Variants in SLC25A28 observed in about 807,000 individuals in gnomAD.
SLC25A28 encodes the protein mitoferrin-2.
A neutral mutation model predicts 31.9 loss-of-function variants in SLC25A28; 10 were observed. The observed-to-expected ratio is 0.31, with a 90% CI of 0.19 to 0.53. SLC25A28 has a LOEUF of 0.53. SLC25A28 is among the 20% of genes least tolerant of loss of function. The pLI, the probability that SLC25A28 is intolerant of heterozygous loss-of-function variation, is 0.95. For synonymous variants in SLC25A28, 208 were observed against 203.6 expected (o/e 1.02, Z -0.19); for missense variants, 256 against 490.3 (o/e 0.52, Z 4.51).
the SLC25A28 span, among the ~76,000 whole-genome samples, chr10:99,639,646 C>T: frequency 6.6e-6 from 1 of 151,422 alleles, no homozygotes; most frequent in African/African-American, 2.4e-5. Flanking sequence ...ACTCCCTGCC[C>T]CCCCATCCCC....
chr10:99,616,590 T>G, intron 1 of SLC25A28: 1 of 985,440 alleles, frequency 1.0e-6, no homozygotes, highest in Non-Finnish European at 1.2e-6. Flanking sequence ...ATTTTTTGTT[T>G]TCCTTTTAAA....
Position 99,612,753 on chromosome 10 carries a change from C to A in SLC25A28, c.521-154G>T, listed in dbSNP as rs2133338078. On this transcript the variant is annotated intron_variant, in intron 2 of 3. Coordinates refer to ENST00000370495, the MANE Select transcript of SLC25A28 (RefSeq NM_031212.4). ...AAGATGGGGACCCACTGCTCCTAAA[C>A]TCCTGTTTAAGAAGGTAAAGTATCT... 5 of 785,284 alleles carry A rather than the reference C, an allele frequency of 6.4e-6. No individual in the cohort carries two copies. The South Asian group carries it at 7.4e-5, about 12-fold the overall frequency. 48.6% of individuals were successfully genotyped at this position (785,284 alleles called of 1,614,324 possible).
chr10:99,651,655 T>C, the SLC25A28 span, among the ~76,000 whole-genome samples: 2 of 146,264 alleles, frequency 1.4e-5, no homozygotes, highest in African/African-American at 5.0e-5. Context: ...CAGTGGCACA[T>C]TCATAGCTCA....
In SLC25A28 at chr10:99,613,237, C is replaced by G. The variant is rs867785823; in HGVS notation, c.520+459G>C. On this transcript the variant is annotated intron_variant, in intron 2 of 3. Transcript: ENST00000370495. This position sits in a 1 kb window ranked among gnomAD's most constrained non-coding sequence, Gnocchi z 4.9. ...TTTTGTCATGAGGCTTTGTCATGTT[C>G]TCAACACAAACTGCCTCTGGTGAGT... is the stretch of plus-strand genomic sequence containing the variant. Among the ~76,000 whole-genome samples, 6 of 152,134 alleles carry G rather than the reference C, an allele frequency of 3.9e-5. No homozygotes were observed. The highest frequency in any genetic ancestry group is 1.2e-4 in the African/African-American group (5 of 41,400).
upstream of SLC25A28, among the ~76,000 whole-genome samples, chr10:99,623,832 C>A (rs1327976726): frequency 6.6e-6 from 1 of 152,222 alleles, no homozygotes; most frequent in African/African-American, 2.4e-5. Flanking sequence ...CTACTTGTTA[C>A]CTGCTTGCTC....
chr10:99,650,789 T>C, the SLC25A28 span, among the ~76,000 whole-genome samples: 1 of 152,026 alleles, frequency 6.6e-6, no homozygotes, highest in Non-Finnish European at 1.5e-5. Context: ...CAGGGGTGTG[T>C]GAGAGCACTT....
the SLC25A28 span, among the ~76,000 whole-genome samples, chr10:99,638,593 G>GA: frequency 3.3e-5 from 5 of 151,622 alleles, no homozygotes; most frequent in African/African-American, 4.8e-5. Flanking sequence ...AAATCACTAA[G>GA]AAAAAAACAA....
At chr10:99,631,441 A>T in the SLC25A28 span, among the ~76,000 whole-genome samples, 25 of 152,082 alleles carry the variant, frequency 1.6e-4, no homozygotes, top group Admixed American at 9.8e-4. Flanking sequence ...TTAATTTTAT[A>T]TTATATCTTA....
the SLC25A28 span, among the ~76,000 whole-genome samples, chr10:99,658,217 A>G: frequency 6.6e-6 from 1 of 152,140 alleles, no homozygotes; most frequent in African/African-American, 2.4e-5. Flanking sequence ...AGTTTTCCTA[A>G]TGTCCTGACA....
chr10:99,620,778 C>T, upstream of SLC25A28: 1 of 985,470 alleles, frequency 1.0e-6, no homozygotes, highest in Non-Finnish European at 1.2e-6. Flanking sequence ...CGCACCACGT[C>T]GGTCCCCGAT....
the SLC25A28 span, among the ~76,000 whole-genome samples, chr10:99,658,514 T>TA: frequency 2.0e-5 from 3 of 152,076 alleles, no homozygotes; most frequent in East Asian, 5.8e-4. Flanking sequence ...TAGGCATGTA[T>TA]AAAAAAGGTG....
At chr10:99,619,737 G>A (rs1301828165) in intron 1 of SLC25A28, among the ~76,000 whole-genome samples, 1 of 152,196 alleles carries the variant, frequency 6.6e-6, no homozygotes, top group Non-Finnish European at 1.5e-5. Flanking sequence ...CTGAGCTTCG[G>A]GATACCCCAT....
the SLC25A28 span, among the ~76,000 whole-genome samples, chr10:99,646,518 G>T: frequency 6.6e-6 from 1 of 152,214 alleles, no homozygotes; most frequent in Non-Finnish European, 1.5e-5. Flanking sequence ...CAGGTGAGGT[G>T]ATGCTCCACC....
chr10:99,648,959 T>G, the SLC25A28 span, among the ~76,000 whole-genome samples: 1 of 152,180 alleles, frequency 6.6e-6, no homozygotes, highest in Non-Finnish European at 1.5e-5. Flanking sequence ...TTTTTTCTCT[T>G]GTCTGATTGG....
the SLC25A28 span, among the ~76,000 whole-genome samples, chr10:99,626,936 AT>A: frequency 3.3e-5 from 5 of 152,194 alleles, no homozygotes; most frequent in Non-Finnish European, 5.9e-5. Flanking sequence ...TGCCCTTTGT[AT>A]TTTTTTAAAA....
upstream of SLC25A28, among the ~76,000 whole-genome samples, chr10:99,625,181 C>T (rs1383257683): frequency 4.8e-5 from 1 of 20,914 alleles, no homozygotes; most frequent in Non-Finnish European, 1.2e-4. Context: ...AAAGATATTG[C>T]CGACCCAAAG....
the SLC25A28 span, among the ~76,000 whole-genome samples, chr10:99,644,518 C>T: frequency 1.3e-5 from 2 of 152,016 alleles, no homozygotes; most frequent in Non-Finnish European, 2.9e-5. Context: ...AATTTGCCAG[C>T]CTGTGTCTTT....
chr10:99,655,828 T>A, the SLC25A28 span, among the ~76,000 whole-genome samples: 2 of 152,196 alleles, frequency 1.3e-5, no homozygotes, highest in African/African-American at 2.4e-5. Context: ...GGGACTGAGG[T>A]TGGAGCCTAG....
intron 1 of SLC25A28, 61 bp downstream of exon 1, chr10:99,619,984 G>A (rs1365448235): frequency 6.8e-6 from 10 of 1,479,026 alleles, no homozygotes; most frequent in East Asian, 2.7e-5. Flanking sequence ...TCCTGGCTCC[G>A]GACAAGACCC....
Sources: allele counts gnomAD v4.1 joint callset (sites outside exome capture counted in the v4.1 genomes callset), GRCh38; gene constraint gnomAD v4.1.1; non-coding constraint Gnocchi (gnomAD v3.1); transcripts MANE v1.5; gene names NCBI Gene and HGNC (gene_info 2026-07-23, HGNC 2026-07-21).